The following RORB variants were observed in gnomAD, a reference collection of about 807,000 sequenced individuals.
The protein encoded by RORB is nuclear receptor ROR-beta.
Under a neutral mutation model 59.1 loss-of-function variants are expected in RORB, and 6 were observed. The ratio of observed to expected loss-of-function variants is 0.10; its 90% CI spans 0.06 to 0.20. RORB has a LOEUF of 0.20. RORB is among the 10% of genes least tolerant of loss of function. The pLI, the probability that RORB is intolerant of heterozygous loss-of-function variation, is 1.00. For synonymous variants in RORB, 215 were observed against 204.5 expected (o/e 1.05, Z -0.44); for missense variants, 320 against 560.5 (o/e 0.57, Z 4.33).
At chr9:74,517,883 C>G (rs571939424) in intron 1 of RORB, among the ~76,000 whole-genome samples, 2 of 152,040 alleles carry the variant, frequency 1.3e-5, no homozygotes, top group African/African-American at 4.8e-5. Context: ...GTGCTAAATA[C>G]TTCATGTGAA....
intron 6 of RORB, among the ~76,000 whole-genome samples, chr9:74,664,998 G>A (rs1483565822): frequency 6.6e-6 from 1 of 152,158 alleles, no homozygotes; most frequent in Non-Finnish European, 1.5e-5. Flanking sequence ...TCTTGGTCCT[G>A]GAGATGCAAG....
chr9:74,668,245 C>T (rs939272568), intron 8 of RORB, among the ~76,000 whole-genome samples: 6 of 152,112 alleles, frequency 3.9e-5, no homozygotes, highest in African/African-American at 1.4e-4. Flanking sequence ...AATAAATGTC[C>T]AGTTGGATGA....
intron 1 of RORB, among the ~76,000 whole-genome samples, chr9:74,523,990 G>T: frequency 7.3e-6 from 1 of 136,426 alleles, no homozygotes; most frequent in South Asian, 2.4e-4. Context: ...TTTATTCACT[G>T]AATCAACGAC....
intron 9 of RORB, among the ~76,000 whole-genome samples, chr9:74,678,800 C>T (rs11144056): frequency 0.045 from 6,892 of 152,040 alleles, 455 homozygotes; most frequent in East Asian, 0.35. Context: ...TTTGGGAGGC[C>T]GAGGTGGGTG....
At chr9:74,677,464 T>C (rs916693995) in intron 9 of RORB, among the ~76,000 whole-genome samples, 2 of 152,274 alleles carry the variant, frequency 1.3e-5, no homozygotes, top group African/African-American at 2.4e-5. Context: ...CTTTGAGTTA[T>C]ATAAAATAGA....
intron 3 of RORB, among the ~76,000 whole-genome samples, chr9:74,640,069 T>G (rs1489365419): frequency 1.3e-5 from 2 of 152,142 alleles, no homozygotes; most frequent in African/African-American, 4.8e-5. Context: ...ATCTAAATAA[T>G]TCAAGACCAT....
intron 1 of RORB, among the ~76,000 whole-genome samples, chr9:74,576,626 C>T (rs1210828806): frequency 2.6e-5 from 4 of 152,076 alleles, no homozygotes; most frequent in Admixed American, 6.6e-5. Context: ...ATCCATCAAT[C>T]TGTATAGCTT....
intron 4 of RORB, among the ~76,000 whole-genome samples, chr9:74,643,376 A>C (rs1467290393): frequency 1.3e-5 from 2 of 152,218 alleles, no homozygotes; most frequent in South Asian, 2.1e-4. Flanking sequence ...CAATGAAAAG[A>C]GTGTAGTCTG....
intron 1 of RORB, among the ~76,000 whole-genome samples, chr9:74,561,525 T>G (rs1822396691): frequency 6.6e-6 from 1 of 152,166 alleles, no homozygotes; most frequent in Admixed American, 6.5e-5. Context: ...ATTGGAAACA[T>G]TCAAACTAGA....
Position 74,686,405 on chromosome 9 carries a change from T to C in RORB, c.*787T>C, listed in dbSNP as rs1824646808. 1 of 152,558 alleles carries C rather than the reference T, an allele frequency of 6.6e-6. No individual in the cohort carries two copies. The highest frequency in any genetic ancestry group is 1.5e-5 in the Non-Finnish European group (1 of 68,034). The allele number at this position is 152,558 out of a possible 1,614,324, so 9.5% of individuals were successfully genotyped here. ...ATCAAAGCCTTGTCAAGATGGTTCA[T>C]ATTGGGAAGGAGACAGTATTTTAAG... On this transcript the variant is annotated 3_prime_UTR_variant, in exon 10 of 10. Coordinates refer to ENST00000376896, the MANE Select transcript of RORB (RefSeq NM_006914.4).
At chr9:74,623,848 A>G (rs777887263) in intron 1 of RORB, among the ~76,000 whole-genome samples, 6 of 152,238 alleles carry the variant, frequency 3.9e-5, no homozygotes, top group Non-Finnish European at 7.3e-5. Flanking sequence ...ACAGGAAAAG[A>G]TGAATTTAAT....
chr9:74,527,341 G>A (rs962434756), intron 1 of RORB, among the ~76,000 whole-genome samples: 26 of 151,808 alleles, frequency 1.7e-4, no homozygotes, highest in African/African-American at 6.0e-4. Context: ...TGTGCCAGTC[G>A]CTGTTCCAAA....
intron 1 of RORB, among the ~76,000 whole-genome samples, chr9:74,604,724 G>C (rs905625105): frequency 2.6e-5 from 4 of 152,080 alleles, no homozygotes; most frequent in Non-Finnish European, 4.4e-5. Flanking sequence ...GTTTAAATAA[G>C]GTAGAAGAAG....
intron 5 of RORB, 72 bp downstream of exon 5, chr9:74,660,810 T>C (rs1042709495): frequency 3.4e-6 from 5 of 1,488,798 alleles, no homozygotes; most frequent in Non-Finnish European, 3.6e-6. Flanking sequence ...TCAGCACTAT[T>C]GGCATGTTGC....
intron 1 of RORB, among the ~76,000 whole-genome samples, chr9:74,587,507 G>A (rs1264577746): frequency 6.6e-6 from 1 of 152,140 alleles, no homozygotes; most frequent in African/African-American, 2.4e-5. Flanking sequence ...AAACAAACAT[G>A]TATTATTAAT....
chr9:74,674,767 A>C (rs548194512), intron 9 of RORB, among the ~76,000 whole-genome samples: 3 of 152,236 alleles, frequency 2.0e-5, no homozygotes, highest in East Asian at 3.9e-4. Flanking sequence ...GGAAAAAAAA[A>C]CCCTATTAAA....
chr9:74,550,757 A>C (rs773253260), intron 1 of RORB, among the ~76,000 whole-genome samples: 4 of 152,220 alleles, frequency 2.6e-5, no homozygotes, highest in Non-Finnish European at 5.9e-5. Context: ...CCAAAGAATA[A>C]ATATCTGCTG....
chr9:74,593,195 G>T (rs950913976), intron 1 of RORB, among the ~76,000 whole-genome samples: 1 of 152,080 alleles, frequency 6.6e-6, no homozygotes, highest in Non-Finnish European at 1.5e-5. Context: ...GGCCGGGCGC[G>T]GTGGCACACA....
chr9:74,497,980 C>G lies in RORB; in HGVS notation c.4C>G (p.Arg2Gly). The change falls in exon 1 of 10, where the codon CGA becomes GGA. Residue 2 changes from arginine (R) to glycine (G), a missense_variant. Physicochemically the swap from Arg to Gly is moderately radical, Grantham distance 125. Coordinates refer to ENST00000376896, the MANE Select transcript of RORB (RefSeq NM_006914.4). ...GGAGCGGGAGAGCGGCCACACCATG[C>G]GAGGTAAGCGAGTCTGCGGGCACCG... M[R>G]AQIEVIPCKI... 1 of 1,611,082 alleles carries G rather than the reference C, an allele frequency of 6.2e-7. No homozygotes were observed. The highest frequency in any genetic ancestry group is 8.5e-7 in the Non-Finnish European group (1 of 1,179,484).
Sources: gnomAD v4.1 joint callset for allele counts (sites outside exome capture counted in the v4.1 genomes callset) on GRCh38, gnomAD v4.1.1 for gene constraint, MANE v1.5 for transcripts, NCBI Gene and HGNC (gene_info 2026-07-23, HGNC 2026-07-21) for gene names.